The following BANK1 variants were observed in gnomAD, a reference collection of about 807,000 sequenced individuals.
BANK1 encodes the protein B-cell scaffold protein with ankyrin repeats.
Under a neutral mutation model 94.5 loss-of-function variants are expected in BANK1, and 95 were observed. That is an observed-to-expected ratio of 1.00 (90% CI 0.85 to 1.19). The LOEUF is 1.19. BANK1 is among the 50% of genes most tolerant of loss of function. The pLI, the probability that BANK1 is intolerant of heterozygous loss-of-function variation, is 0.00. For synonymous variants in BANK1, 334 were observed against 308.4 expected, an observed-to-expected ratio of 1.08 and a Z score of -0.87; for missense variants, 987 against 932.2, an observed-to-expected ratio of 1.06 and a Z score of -0.77.
At chr4:101,791,138 G>T (rs1408267371) in intron 1 of BANK1, among the ~76,000 whole-genome samples, 188 bp downstream of exon 1, 3 of 152,216 alleles carry the variant, frequency 2.0e-5, no homozygotes, top group African/African-American at 7.2e-5. Flanking sequence ...CTTCTCTGAG[G>T]GGCATCTGGA....
chr4:101,924,720 TA>T (rs1723099761), intron 7 of BANK1, among the ~76,000 whole-genome samples: 1 of 151,834 alleles, frequency 6.6e-6, no homozygotes, highest in Non-Finnish European at 1.5e-5. Context: ...CACCAAAAGA[TA>T]AATTAGCCCT....
At chr4:102,072,280 C>A in intron 14 of BANK1, 65 bp from the exon 15 acceptor site, 1 of 1,268,374 alleles carries the variant, frequency 7.9e-7, no homozygotes, top group Non-Finnish European at 1.1e-6. Context: ...TTAAGAAGTA[C>A]TGAATAAATA....
At chr4:101,992,266 C>T (rs1725733041) in intron 7 of BANK1, among the ~76,000 whole-genome samples, 1 of 152,072 alleles carries the variant, frequency 6.6e-6, no homozygotes, top group Non-Finnish European at 1.5e-5. Flanking sequence ...TGAAATCATG[C>T]ATTGATGACC....
At chr4:101,978,137 A>G (rs1401542909) in intron 7 of BANK1, among the ~76,000 whole-genome samples, 1 of 150,596 alleles carries the variant, frequency 6.6e-6, no homozygotes, top group Non-Finnish European at 1.5e-5. Context: ...AATAATAAAA[A>G]AGTAGGTACT....
intron 7 of BANK1, among the ~76,000 whole-genome samples, chr4:101,934,728 A>G (rs1318332599): frequency 6.6e-6 from 1 of 151,568 alleles, no homozygotes; most frequent in African/African-American, 2.4e-5. Context: ...ATAAATGGAC[A>G]ATTCCCTAGG....
At chr4:101,918,218 G>T in intron 7 of BANK1, 29 bp downstream of exon 7, 1 of 1,441,366 alleles carries the variant, frequency 6.9e-7, no homozygotes, top group Non-Finnish European at 9.4e-7. Context: ...TTATATCTCT[G>T]TATATTCTGT....
intron 1 of BANK1, among the ~76,000 whole-genome samples, chr4:101,807,850 G>A (rs993576013): frequency 6.6e-6 from 1 of 152,080 alleles, no homozygotes; most frequent in African/African-American, 2.4e-5. Flanking sequence ...GGAGACTGAG[G>A]TGGGTGGATC....
chr4:102,016,474 A>AC (rs1726704860), intron 7 of BANK1, among the ~76,000 whole-genome samples: 1 of 151,740 alleles, frequency 6.6e-6, no homozygotes, highest in African/African-American at 2.4e-5. Flanking sequence ...ATTGTCCTAT[A>AC]CCCCCTCTTC....
At chr4:101,947,114 C>T (rs564058808) in intron 7 of BANK1, among the ~76,000 whole-genome samples, 8 of 151,316 alleles carry the variant, frequency 5.3e-5, no homozygotes, top group South Asian at 2.1e-4. Flanking sequence ...CTGCAATGTG[C>T]TTGAGTATTT....
At chr4:101,855,892 T>A (rs1309626850) in intron 3 of BANK1, among the ~76,000 whole-genome samples, 1 of 152,188 alleles carries the variant, frequency 6.6e-6, no homozygotes, top group Non-Finnish European at 1.5e-5. Context: ...GGAATATATG[T>A]TCCTAGCATG....
chr4:101,934,715 T>C (rs935342518), intron 7 of BANK1, among the ~76,000 whole-genome samples: 9 of 151,556 alleles, frequency 5.9e-5, no homozygotes, highest in Admixed American at 4.0e-4. Flanking sequence ...GAACAATTCA[T>C]AAATAAATGG....
At chr4:101,985,257 T>A (rs191341160) in intron 7 of BANK1, among the ~76,000 whole-genome samples, 2 of 152,302 alleles carry the variant, frequency 1.3e-5, no homozygotes, top group Non-Finnish European at 2.9e-5. Context: ...CAGCCTTTTA[T>A]TCTATTCAGG....
intron 7 of BANK1, among the ~76,000 whole-genome samples, chr4:102,008,704 T>TAACATTTTCAGCTTAC (rs1726386192): frequency 6.6e-6 from 1 of 152,196 alleles, no homozygotes; most frequent in Admixed American, 6.5e-5. Context: ...TTCTTACTTG[T>TAACATTTTCAGCTTAC]AACATTTTCA....
At chr4:101,975,154 C>T (rs1172324180) in intron 7 of BANK1, among the ~76,000 whole-genome samples, 1 of 152,158 alleles carries the variant, frequency 6.6e-6, no homozygotes, top group Non-Finnish European at 1.5e-5. Flanking sequence ...GAAGAACTGA[C>T]TTCACAAGTA....
chr4:102,061,863 T>TA (rs956462100), intron 12 of BANK1: 1 of 152,202 alleles, frequency 6.6e-6, no homozygotes, highest in African/African-American at 2.4e-5. Context: ...ATGCTTATTT[T>TA]AAAAAATTAT....
At chr4:102,045,506 C>G (rs1727850504) in intron 11 of BANK1, among the ~76,000 whole-genome samples, 1 of 152,096 alleles carries the variant, frequency 6.6e-6, no homozygotes, top group East Asian at 1.9e-4. Flanking sequence ...CAAATTGTCC[C>G]TGTTTGCAGA....
intron 2 of BANK1, among the ~76,000 whole-genome samples, chr4:101,844,378 T>C (rs2148869267): frequency 6.6e-6 from 1 of 152,220 alleles, no homozygotes; most frequent in African/African-American, 2.4e-5. Context: ...AAGATTGTGG[T>C]TTCAGGAACT....
At chr4:101,947,932 A>G (rs951119420) in intron 7 of BANK1, among the ~76,000 whole-genome samples, 9 of 152,000 alleles carry the variant, frequency 5.9e-5, no homozygotes, top group Non-Finnish European at 1.3e-4. Context: ...TACAACTACT[A>G]TATTTTCTAA....
intron 1 of BANK1, among the ~76,000 whole-genome samples, chr4:101,791,238 C>G (rs1468173690): frequency 7.1e-6 from 1 of 140,104 alleles, no homozygotes; most frequent in Non-Finnish European, 1.7e-5. Flanking sequence ...TTCCCCAGCA[C>G]CCGGGTCAGG....
Sources: gnomAD v4.1 joint callset for allele counts (sites outside exome capture counted in the v4.1 genomes callset) on GRCh38, gnomAD v4.1.1 for gene constraint, MANE v1.5 for transcripts, NCBI Gene and HGNC (gene_info 2026-07-23, HGNC 2026-07-21) for gene names.